NFIX: variants seen among roughly 807,000 people sequenced by gnomAD.
NFIX encodes nuclear factor 1 X-type.
A neutral mutation model predicts 53.3 loss-of-function variants in NFIX; 2 were observed. The observed-to-expected ratio is 0.04, with a 90% confidence interval of 0.02 to 0.12. NFIX has a LOEUF of 0.12. Among genes scored for constraint, NFIX ranks in the 10% least tolerant of loss-of-function variants. NFIX has a pLI of 1.00. For missense variants in NFIX, 310 were observed against 674.5 expected, an observed-to-expected ratio of 0.46 and a Z score of 5.99; for synonymous variants, 244 against 289.0, an observed-to-expected ratio of 0.84 and a Z score of 1.58.
Position 13,014,451 on chromosome 19 carries a change from G to C in NFIX, c.28-10570G>C, listed in dbSNP as rs2012548473. The stretch of plus-strand genomic sequence containing the variant: ...GGCGCGTTTCCCAGGCGGCGGGCTG[G>C]TGGGAGAGTCAAACCCGGGTGTGGG... On this transcript the variant is annotated intron_variant, in intron 1 of 10. Transcript: ENST00000592199. The surrounding 1 kb of genome is among the most constrained non-coding windows in gnomAD (Gnocchi z 4.4). The C allele has an allele frequency of 6.6e-6, 1 of 152,272 alleles. No individual in the cohort carries two copies. Among genetic ancestry groups the C allele is most frequent in the South Asian group, 2.1e-4 (1 of 4,836 alleles). The allele number at this position is 152,272 out of a possible 1,614,324, so 9.4% of individuals were successfully genotyped here.
At chr19:13,035,690 G>T (rs1405404368) in intron 2 of NFIX, among the ~76,000 whole-genome samples, 1 of 151,984 alleles carries the variant, frequency 6.6e-6, no homozygotes, top group Non-Finnish European at 1.5e-5. Context: ...CCAAACTACT[G>T]TCCTGTGCCT....
intron 1 of NFIX, among the ~76,000 whole-genome samples, chr19:13,016,464 A>C (rs1224612784): frequency 1.3e-5 from 2 of 152,090 alleles, no homozygotes; most frequent in South Asian, 2.1e-4. Flanking sequence ...TGCCAATTAC[A>C]TTTTGCTGTC....
chr19:13,053,440 G>C (rs2015449673), intron 2 of NFIX, among the ~76,000 whole-genome samples: 1 of 152,182 alleles, frequency 6.6e-6, no homozygotes, highest in Non-Finnish European at 1.5e-5. Flanking sequence ...CTGCAGAGGG[G>C]GGAAGGGGAG....
intron 8 of NFIX, among the ~76,000 whole-genome samples, chr19:13,083,238 G>C (rs1418236566): frequency 3.3e-5 from 5 of 152,224 alleles, no homozygotes; most frequent in Non-Finnish European, 7.3e-5. Context: ...TGCCAGCAGA[G>C]TTCACGGGGA....
At chr19:13,071,888 G>T (rs1024308322) in intron 2 of NFIX, among the ~76,000 whole-genome samples, 2 of 152,134 alleles carry the variant, frequency 1.3e-5, no homozygotes, top group Non-Finnish European at 2.9e-5. Flanking sequence ...TGACTGATGG[G>T]GTCCCTCACC....
In NFIX at chr19:13,096,033, G is replaced by A. The variant is rs926203546; in HGVS notation, c.*1384G>A. On this transcript the variant is annotated 3_prime_UTR_variant, in exon 11 of 11. Coordinates refer to ENST00000592199, the MANE Select transcript of NFIX (RefSeq NM_001365902.3). ...CCCAGCCCCCTCCTCCCTCAAGGGA[G>A]GGTTGGGGGGCCTGTCCAGAGGGTC... The A allele has an allele frequency of 2.6e-5, 4 of 152,454 alleles. No homozygotes were observed. Among genetic ancestry groups the A allele is most frequent in the African/African-American group, 7.2e-5 (3 of 41,434 alleles). 9.4% of individuals were successfully genotyped at this position (152,454 alleles called of 1,614,324 possible). A position where few individuals can be genotyped will look rare whatever the true frequency, so the allele number is the denominator to read the frequency against.
chr19:12,996,227 G>A lies in NFIX; in HGVS notation c.27+363G>A, dbSNP rs1171809633. On this transcript the variant is annotated intron_variant, in intron 1 of 10. Coordinates refer to ENST00000592199, the MANE Select transcript of NFIX (RefSeq NM_001365902.3). The surrounding 1 kb of genome is among the most constrained non-coding windows in gnomAD (Gnocchi z 5.2). ...GACTCCGGCTGACCTGTGGGCTACTGTAGCGCGCACCCGGGCAGCGTGGTC... is the reference window on the plus strand; with the variant it reads ...GACTCCGGCTGACCTGTGGGCTACTATAGCGCGCACCCGGGCAGCGTGGTC... 6.6e-6 allele frequency among the ~76,000 whole-genome samples: 1 copy of A among 151,984 alleles called. No individual in the cohort carries two copies. Among genetic ancestry groups the A allele is most frequent in the Non-Finnish European group, 1.5e-5 (1 of 67,964 alleles).
intron 1 of NFIX, among the ~76,000 whole-genome samples, chr19:13,020,913 T>A (rs1286103790): frequency 6.6e-6 from 1 of 152,070 alleles, no homozygotes; most frequent in African/African-American, 2.4e-5. Flanking sequence ...ACCACCAGAT[T>A]CAGATTCAAC....
intron 1 of NFIX, among the ~76,000 whole-genome samples, chr19:13,010,910 G>A (rs906329924): frequency 2.0e-5 from 3 of 152,228 alleles, no homozygotes; most frequent in African/African-American, 7.2e-5. Flanking sequence ...TGTCCCTGGG[G>A]CACAGGTGGG....
At chr19:13,075,068 T>TA (rs57860606) in intron 5 of NFIX, among the ~76,000 whole-genome samples, 134 of 73,658 alleles carry the variant, frequency 1.8e-3, no homozygotes, top group South Asian at 6.5e-3. Context: ...AGACTCCATC[T>TA]AAAAAAAAAA....
intron 6 of NFIX, among the ~76,000 whole-genome samples, chr19:13,076,172 C>T (rs770456188): frequency 2.0e-5 from 3 of 152,182 alleles, no homozygotes; most frequent in Non-Finnish European, 2.9e-5. Context: ...CATTGTCAGA[C>T]GTTCCCTAGT....
At position 13,073,950 on chromosome 19, in the gene NFIX, C is replaced by T. The variant is rs2016918998; in HGVS notation, c.742C>T (p.Leu248=). 1 of 1,614,008 alleles carries T rather than the reference C, an allele frequency of 6.2e-7. No individual in the cohort carries two copies. The highest frequency in any genetic ancestry group is 2.2e-5 in the East Asian group (1 of 44,886). The stretch of plus-strand genomic sequence containing the variant: ...AGGGCCCAACTTCTCCCTGGCGGAC[C>T]TGGAGAGTCCCAGCTACTACAACAT... ...ASGPNFSLAD[L]ESPSYYNINQ... is the part of the protein sequence containing the mutation. Residue 248 remains leucine, a synonymous_variant, in exon 5 of 11, where the codon CTG becomes TTG. Coordinates refer to ENST00000592199, the MANE Select transcript of NFIX (RefSeq NM_001365902.3). This position sits in a 1 kb window ranked among gnomAD's most constrained non-coding sequence, Gnocchi z 4.5.
rs1326382998 is a variant in NFIX, at chr19:13,014,114, T to TCCTCTCC, written c.28-10906_28-10900dup. ...TGAGAAATAACTCGTCTCTCCTCTCTCCTCTCCATTCAGCATTGTCTTATT... is the reference window on the plus strand; with the variant it reads ...TGAGAAATAACTCGTCTCTCCTCTCTCCTCTCCCCTCTCCATTCAGCATTGTCTTATT... On this transcript the variant is annotated intron_variant, in intron 1 of 10. Transcript: ENST00000592199. The surrounding 1 kb of genome is among the most constrained non-coding windows in gnomAD (Gnocchi z 4.4). The TCCTCTCC allele has an allele frequency of 6.6e-6, 1 of 152,196 alleles. No individual in the cohort carries two copies. The highest frequency in any genetic ancestry group is 1.5e-5 in the Non-Finnish European group (1 of 68,034). The allele number at this position is 152,196 out of a possible 1,614,324, so 9.4% of individuals were successfully genotyped here. A position where few individuals can be genotyped will look rare whatever the true frequency, so the allele number is the denominator to read the frequency against.
At chr19:13,015,955 CAAG>C (rs1223993186) in intron 1 of NFIX, among the ~76,000 whole-genome samples, 7 of 152,130 alleles carry the variant, frequency 4.6e-5, no homozygotes, top group African/African-American at 9.7e-5. Flanking sequence ...ACTGGTGTGA[CAAG>C]GAGGTATTTC....
intron 2 of NFIX, among the ~76,000 whole-genome samples, chr19:13,041,982 C>G (rs2014659363): frequency 1.3e-5 from 2 of 151,898 alleles, no homozygotes; most frequent in South Asian, 4.2e-4. Context: ...GCTGCAAGTT[C>G]CGCCTCCCAG....
At chr19:13,007,937 A>G (rs1477188973) in intron 1 of NFIX, among the ~76,000 whole-genome samples, 1 of 152,116 alleles carries the variant, frequency 6.6e-6, no homozygotes, top group African/African-American at 2.4e-5. Flanking sequence ...ACACAGACAC[A>G]CAGAGCAGAC....
Position 13,066,443 on chromosome 19 carries a change from C to T in NFIX, c.560-6604C>T, listed in dbSNP as rs2016407003. On this transcript the variant is annotated intron_variant, in intron 2 of 10. Transcript: ENST00000592199. This position sits in a 1 kb window ranked among gnomAD's most constrained non-coding sequence, Gnocchi z 4.2. ...ACCACATGTGGGTGTCACTCGGTTT[C>T]TTCCTCTTTCCTGTCACTTATCCCC... Among the ~76,000 whole-genome samples the T allele has an allele frequency of 6.7e-6, 1 of 150,098 alleles. No individual in the cohort carries two copies. Among genetic ancestry groups the T allele is most frequent in the African/African-American group, 2.4e-5 (1 of 41,022 alleles).
chr19:13,086,630 G>A (rs1490351323), intron 8 of NFIX, among the ~76,000 whole-genome samples: 1 of 152,180 alleles, frequency 6.6e-6, no homozygotes, highest in East Asian at 1.9e-4. Flanking sequence ...CCTCTTTGTT[G>A]TGACAACTGA....
Position 13,027,881 on chromosome 19 carries a change from AT to A in NFIX, c.559+2333del, listed in dbSNP as rs2013494179. Among the ~76,000 whole-genome samples, 2 of 152,292 alleles carry A rather than the reference AT, an allele frequency of 1.3e-5. No homozygotes were observed. Among genetic ancestry groups the A allele is most frequent in the South Asian group, 4.1e-4 (2 of 4,828 alleles). On this transcript the variant is annotated intron_variant, in intron 2 of 10. Coordinates refer to ENST00000592199, the MANE Select transcript of NFIX (RefSeq NM_001365902.3). The surrounding 1 kb of genome is among the most constrained non-coding windows in gnomAD (Gnocchi z 4.3). ...AAGCAGAGTAGGGAACTAAGGGTGTATTTTATATCATTCAGGCCCCAGACTC... is the reference window on the plus strand; with the variant it reads ...AAGCAGAGTAGGGAACTAAGGGTGTATTTATATCATTCAGGCCCCAGACTC...
Sources: allele counts gnomAD v4.1 joint callset (sites outside exome capture counted in the v4.1 genomes callset), GRCh38; gene constraint gnomAD v4.1.1; non-coding constraint Gnocchi (gnomAD v3.1); transcripts MANE v1.5; gene names NCBI Gene and HGNC (gene_info 2026-07-23, HGNC 2026-07-21).